The following NHS variants were observed in gnomAD, a reference collection of about 807,000 sequenced individuals.
NHS encodes the protein NHS actin remodeling regulator.
NHS carries 5 observed loss-of-function variants against 72.5 expected under a neutral mutation model. The ratio of observed to expected loss-of-function variants is 0.07; its 90% CI spans 0.04 to 0.14. The LOEUF (loss-of-function observed/expected upper bound fraction) is 0.14. Ranked by LOEUF, NHS falls within the 10% of genes least tolerant of loss-of-function variation. The pLI, the probability that NHS is intolerant of heterozygous loss-of-function variation, is 1.00. For synonymous variants in NHS, 464 were observed against 547.7 expected (o/e 0.85, Z 2.13); for missense variants, 1,072 against 1,355.7 (o/e 0.79, Z 3.29).
chrX:17,524,513 A>G (rs749042695), intron 1 of NHS, among the ~76,000 whole-genome samples: 1 of 112,574 alleles, frequency 8.9e-6, no homozygotes, highest in African/African-American at 3.2e-5. Flanking sequence ...AATCAAGAAC[A>G]GTTCATAACT....
In NHS at chrX:17,641,596, G is replaced by A. The variant is rs766981240; in HGVS notation, c.566-46146G>A. Among the ~76,000 whole-genome samples the A allele has an allele frequency of 2.7e-5, 3 of 110,816 alleles. No individual in the cohort carries two copies. In the South Asian group the frequency reaches 1.2e-3, roughly 43 times the overall value. On this transcript the variant is annotated intron_variant, in intron 1 of 8. Coordinates refer to ENST00000676302, the MANE Select transcript of NHS (RefSeq NM_001291867.2). ...TCTAGGCTTAGATTAGATTCTGTAGGTATAGAATCTGCCCTACATCCTGCT... is the reference window on the plus strand; with the variant it reads ...TCTAGGCTTAGATTAGATTCTGTAGATATAGAATCTGCCCTACATCCTGCT...
intron 1 of NHS, among the ~76,000 whole-genome samples, chrX:17,664,486 C>T (rs1281462215): frequency 1.8e-5 from 2 of 112,184 alleles, no homozygotes; most frequent in African/African-American, 3.2e-5. Flanking sequence ...ATTGACTTAA[C>T]GCCTTTTTCA....
At chrX:17,532,033 AG>A (rs1487200676) in intron 1 of NHS, among the ~76,000 whole-genome samples, 1 of 110,904 alleles carries the variant, frequency 9.0e-6, no homozygotes. Context: ...TTGTCTCCCC[AG>A]GAGCTGGTAT....
intron 1 of NHS, among the ~76,000 whole-genome samples, chrX:17,550,863 C>G (rs976812210): frequency 2.7e-4 from 30 of 111,863 alleles, no homozygotes; most frequent in African/African-American, 9.4e-4. Flanking sequence ...CCACAAGACC[C>G]TATGTGATCT....
intron 1 of NHS, among the ~76,000 whole-genome samples, chrX:17,582,657 G>C (rs759520613): frequency 8.9e-6 from 1 of 112,386 alleles, no homozygotes; most frequent in African/African-American, 3.2e-5. Context: ...TAGATGCATG[G>C]TGTGTTTCCC....
intron 5 of NHS, among the ~76,000 whole-genome samples, chrX:17,723,770 T>TGTGTGTGTGCGTGCGC (rs541219770): frequency 1.8e-4 from 16 of 91,337 alleles, no homozygotes; most frequent in Non-Finnish European, 2.1e-5. Context: ...TGTGTGTGTG[T>TGTGTGTGTGCGTGCGC]GCGCGCGCGT....
intron 3 of NHS, among the ~76,000 whole-genome samples, chrX:17,696,907 A>C (rs1378809616): frequency 8.9e-6 from 1 of 111,820 alleles, no homozygotes; most frequent in Non-Finnish European, 1.9e-5. Flanking sequence ...AAGTCTCAGC[A>C]TATTTCCTCC....
chrX:17,686,347 G>A (rs996657714), intron 1 of NHS, among the ~76,000 whole-genome samples: 2 of 111,589 alleles, frequency 1.8e-5, no homozygotes, highest in African/African-American at 6.5e-5. Context: ...CCTGGTTTCT[G>A]AGGGGCTGTC....
chrX:17,378,406 T>C (rs905841466), intron 1 of NHS, among the ~76,000 whole-genome samples: 1 of 112,359 alleles, frequency 8.9e-6, no homozygotes, highest in Non-Finnish European at 1.9e-5. Context: ...TCTAAAATGC[T>C]ATCTCCACAC....
At chrX:17,705,764 G>C (rs2066291624) in intron 3 of NHS, 1 of 112,174 alleles carries the variant, frequency 8.9e-6, no homozygotes, top group African/African-American at 3.2e-5. Context: ...CTCCTGATGT[G>C]ATGCATTGAG....
At chrX:17,588,166 T>G (rs2065585017) in intron 1 of NHS, among the ~76,000 whole-genome samples, 1 of 111,589 alleles carries the variant, frequency 9.0e-6, no homozygotes, top group African/African-American at 3.3e-5. Flanking sequence ...TATTCCAAAA[T>G]AACACGGTTC....
intron 1 of NHS, among the ~76,000 whole-genome samples, chrX:17,535,397 C>A (rs1205388388): frequency 9.0e-6 from 1 of 111,211 alleles, no homozygotes; most frequent in Non-Finnish European, 1.9e-5. Flanking sequence ...AAAAGCACCC[C>A]CAACACTGCC....
intron 1 of NHS, among the ~76,000 whole-genome samples, chrX:17,581,130 G>T (rs1185470907): frequency 8.9e-6 from 1 of 112,009 alleles, no homozygotes; most frequent in African/African-American, 3.2e-5. Context: ...GACTCTGGAT[G>T]AGGTTACCAG....
At chrX:17,731,224 C>CTTTTTT (rs142686353) in intron 8 of NHS, among the ~76,000 whole-genome samples, 2 of 34,820 alleles carry the variant, frequency 5.7e-5, no homozygotes, top group African/African-American at 1.2e-4. Flanking sequence ...TAGTTTCTTC[C>CTTTTTT]TTTTTTTTTT....
At position 17,491,754 on chromosome X, in the gene NHS, C is replaced by CTT. The variant is rs760624484; in HGVS notation, c.565+115449_565+115450dup. ...GGCTGTGAATCCACCTGGTCCTGGG[C>CTT]TTTTTTTTTTTTTTTTTTGGTTGGT... On this transcript the variant is annotated intron_variant, in intron 1 of 8. Transcript: ENST00000676302. Among the ~76,000 whole-genome samples, 41 of 68,536 alleles carry CTT rather than the reference C, an allele frequency of 6.0e-4. 1 individual carries two copies. The highest frequency in any genetic ancestry group is 1.8e-3 in the African/African-American group (33 of 18,632). The allele number at this position is 68,536 out of a possible 115,157, so 59.5% of individuals were successfully genotyped here.
intron 1 of NHS, among the ~76,000 whole-genome samples, chrX:17,571,742 C>A (rs2065479837): frequency 1.8e-5 from 2 of 111,624 alleles, no homozygotes; most frequent in African/African-American, 6.5e-5. Flanking sequence ...TTCTCTAGTT[C>A]TTTTAATTGT....
intron 1 of NHS, among the ~76,000 whole-genome samples, chrX:17,541,452 C>T (rs1039114528): frequency 3.6e-5 from 4 of 112,064 alleles, no homozygotes; most frequent in Non-Finnish European, 5.6e-5. Context: ...AGCTTAGTAA[C>T]ATACTGGGAG....
At chrX:17,674,390 C>T (rs2066067383) in intron 1 of NHS, among the ~76,000 whole-genome samples, 1 of 112,360 alleles carries the variant, frequency 8.9e-6, no homozygotes, top group Non-Finnish European at 1.9e-5. Context: ...GTTTTTGGCT[C>T]TTCATTTGCT....
chrX:17,717,023 A>G (rs1275510388), intron 3 of NHS, among the ~76,000 whole-genome samples: 2 of 99,044 alleles, frequency 2.0e-5, no homozygotes, highest in Non-Finnish European at 4.0e-5. Flanking sequence ...GCTGGAGTGC[A>G]GTGGTGCAAT....
Sources: gnomAD v4.1 joint callset for allele counts (sites outside exome capture counted in the v4.1 genomes callset) on GRCh38, gnomAD v4.1.1 for gene constraint, MANE v1.5 for transcripts, NCBI Gene and HGNC (gene_info 2026-07-23, HGNC 2026-07-21) for gene names.